LOXHD1: variants seen among roughly 807,000 people sequenced by gnomAD.
LOXHD1 encodes the protein lipoxygenase homology PLAT domains 1.
LOXHD1 carries 205 observed loss-of-function variants against 248.2 expected under a neutral mutation model. The observed-to-expected ratio is 0.83, with a 90% CI of 0.74 to 0.93. LOXHD1 has a LOEUF of 0.93. LOXHD1 is among the 40% of genes least tolerant of loss of function. The pLI is 0.00. For missense variants in LOXHD1, 2,930 were observed against 2,971.6 expected (o/e 0.99, Z 0.33); for synonymous variants, 1,113 against 1,162.8 (o/e 0.96, Z 0.87).
rs1410664639 is a variant in LOXHD1 at position 46,560,433 on chromosome 18, C to T, written c.2711G>A (p.Arg904Gln). The change falls in exon 19 of 41, where the codon CGG becomes CAG. Residue 904 changes from arginine (R) to glutamine (Q), a missense_variant. Arg to Gln is a conservative substitution (Grantham distance 43). Transcript: ENST00000642948. ...DTVWLRHLVV[R>Q]EVDLTPEEEA... ...CTCCTCCGGCGTGAGGTCCACCTCC[C>T]GCACCACCAGGTGCCGCAGCCACAC... The T allele has an allele frequency of 5.2e-6, 8 of 1,545,870 alleles. No individual in the cohort carries two copies. The Admixed American group carries it at 9.8e-5, about 19-fold the overall frequency.
intron 38 of LOXHD1, among the ~76,000 whole-genome samples, chr18:46,487,991 G>T (rs1159855713): frequency 6.6e-6 from 1 of 152,196 alleles, no homozygotes; most frequent in Non-Finnish European, 1.5e-5. Context: ...CCAAAGGAGG[G>T]ATGCTTCAAT....
chr18:46,618,728 C>T (rs1165247689), intron 4 of LOXHD1, among the ~76,000 whole-genome samples: 1 of 152,220 alleles, frequency 6.6e-6, no homozygotes, highest in East Asian at 1.9e-4. Context: ...TGTATCTCCT[C>T]TGCCTTTCCC....
At position 46,533,226 on chromosome 18, in the gene LOXHD1, A is replaced by C; in HGVS notation, c.4311T>G (p.Thr1437=). The C allele has an allele frequency of 6.4e-7, 1 of 1,551,726 alleles. No homozygotes were observed. Among genetic ancestry groups the C allele is most frequent in the South Asian group, 1.2e-5 (1 of 84,066 alleles). The part of the protein sequence containing the change: ...IRELVPYDIF[T]EKYMKDGSLR... ...AGGACCCATCTTTCATGTATTTCTCAGTGAAGATGTCATATGGAACCAGTT... is the reference window on the plus strand; with the variant it reads ...AGGACCCATCTTTCATGTATTTCTCCGTGAAGATGTCATATGGAACCAGTT... The change falls in exon 28 of 41, where the codon ACT becomes ACG. Residue 1437 remains threonine, a synonymous_variant. Coordinates refer to ENST00000642948, the MANE Select transcript of LOXHD1 (RefSeq NM_001384474.1).
At chr18:46,486,385 T>C (rs182555688) in intron 38 of LOXHD1, among the ~76,000 whole-genome samples, 5 of 152,276 alleles carry the variant, frequency 3.3e-5, no homozygotes, top group East Asian at 1.9e-4. Context: ...AGCCACCCTT[T>C]TGCCTCTGTA....
At chr18:46,591,853 T>C (rs1438974779) in intron 12 of LOXHD1, 80 bp downstream of exon 12, 7 of 1,511,122 alleles carry the variant, frequency 4.6e-6, no homozygotes, top group African/African-American at 1.4e-5. Flanking sequence ...GACAAGACTC[T>C]CAGCTCATAG....
chr18:46,521,916 C>T (rs1451959615), intron 32 of LOXHD1, among the ~76,000 whole-genome samples, 185 bp downstream of exon 32: 1 of 152,194 alleles, frequency 6.6e-6, no homozygotes, highest in African/African-American at 2.4e-5. Flanking sequence ...GGAAGACAGA[C>T]ACACAGAGGG....
Position 46,649,189 on chromosome 18 carries a change from T to C in LOXHD1, c.211A>G (p.Asn71Asp), listed in dbSNP as rs753416111. ...ANVFITLFGE[N>D]GLSPKLQLTS... The stretch of plus-strand genomic sequence containing the variant: ...AGCTGGAGCTTGGGAGAGAGCCCAT[T>C]CTCTCCAAAAAGCGTGATGAAGACA... Residue 71 changes from asparagine to aspartate, a missense_variant, in exon 2 of 41, where the codon AAT (asparagine) becomes GAT (aspartate). Physicochemically the swap from Asn to Asp is conservative, Grantham distance 23. Coordinates refer to ENST00000642948, the MANE Select transcript of LOXHD1 (RefSeq NM_001384474.1). The C allele has an allele frequency of 2.6e-6, 4 of 1,551,612 alleles. No homozygotes were observed. In the South Asian group the frequency reaches 4.8e-5, roughly 18 times the overall value.
chr18:46,591,595 G>A (rs1441731016), intron 12 of LOXHD1, among the ~76,000 whole-genome samples: 1 of 152,182 alleles, frequency 6.6e-6, no homozygotes, highest in Non-Finnish European at 1.5e-5. Context: ...AACATTTCAT[G>A]CACAATTTGA....
At chr18:46,493,805 C>T (rs376048234) in intron 37 of LOXHD1, among the ~76,000 whole-genome samples, 13 of 152,318 alleles carry the variant, frequency 8.5e-5, no homozygotes, top group Admixed American at 3.3e-4. Context: ...TCTCTGCCTG[C>T]GGTTCCCCAG....
intron 16 of LOXHD1, among the ~76,000 whole-genome samples, chr18:46,568,476 T>C (rs1483208015): frequency 1.3e-5 from 2 of 152,118 alleles, no homozygotes; most frequent in Admixed American, 1.3e-4. Context: ...GCCACATCCC[T>C]AGAGTGACCC....
intron 6 of LOXHD1, among the ~76,000 whole-genome samples, chr18:46,608,807 A>C (rs1274801557): frequency 6.6e-6 from 1 of 152,244 alleles, no homozygotes; most frequent in African/African-American, 2.4e-5. Flanking sequence ...TTCAATGCCC[A>C]GTCCCATGCC....
Position 46,591,988 on chromosome 18 carries a change from A to G in LOXHD1, c.1599T>C (p.Asn533=), listed in dbSNP as rs2038178460. 3.9e-6 allele frequency: 6 copies of G among 1,530,220 alleles called. No individual in the cohort carries two copies. The East Asian group carries it at 1.5e-4, about 38-fold the overall frequency. The allele number at this position is 1,530,220 out of a possible 1,614,324, so 94.8% of individuals were successfully genotyped here. ...CTGCAGTCATTTCCCTCACTATCTC[A>G]TTGTCATCCTCATTGGCATCCAGCC... The part of the protein sequence containing the change: ...NRWLDANEDD[N]EIVREMTAEG... Residue 533 remains asparagine, a synonymous_variant, in exon 12 of 41, where the codon AAT becomes AAC. Coordinates refer to ENST00000642948, the MANE Select transcript of LOXHD1 (RefSeq NM_001384474.1).
In LOXHD1 at chr18:46,608,988, G is replaced by T. The variant is rs919128158; in HGVS notation, c.759+1788C>A. Among the ~76,000 whole-genome samples the T allele has an allele frequency of 2.6e-5, 4 of 152,220 alleles. No individual in the cohort carries two copies. The East Asian group carries it at 7.7e-4, about 29-fold the overall frequency. Reference sequence around the variant, plus strand: ...TTTCCCAGTTTTCACTGCAGCTAGGGTGTCCACATAATACATATTTGGCCA... The same window carrying T: ...TTTCCCAGTTTTCACTGCAGCTAGGTTGTCCACATAATACATATTTGGCCA... On this transcript the variant is annotated intron_variant, in intron 6 of 40. Transcript: ENST00000642948.
intron 25 of LOXHD1, among the ~76,000 whole-genome samples, chr18:46,541,241 CT>C (rs546551181): frequency 6.6e-6 from 1 of 151,954 alleles, no homozygotes; most frequent in African/African-American, 2.4e-5. Flanking sequence ...TTACATTCAC[CT>C]TTTTTTTGAA....
intron 5 of LOXHD1, among the ~76,000 whole-genome samples, chr18:46,611,859 C>T (rs1670184610): frequency 6.6e-6 from 1 of 152,142 alleles, no homozygotes; most frequent in Non-Finnish European, 1.5e-5. Context: ...CTATCTTCAA[C>T]TTGGTATATA....
At chr18:46,560,044 CCA>C in intron 19 of LOXHD1, 37 bp downstream of exon 19, 1 of 1,245,516 alleles carries the variant, frequency 8.0e-7, no homozygotes, top group Non-Finnish European at 1.1e-6. Context: ...AACTGTCTGG[CCA>C]CTCCCTCCCC....
At chr18:46,492,107 T>A (rs1240757706) in intron 37 of LOXHD1, among the ~76,000 whole-genome samples, 1 of 112,900 alleles carries the variant, frequency 8.9e-6, no homozygotes, top group Non-Finnish European at 1.9e-5. Context: ...AACATGCAAC[T>A]ATGAAACATC....
intron 22 of LOXHD1, among the ~76,000 whole-genome samples, chr18:46,545,831 G>A (rs910846968): frequency 7.3e-5 from 11 of 150,930 alleles, no homozygotes; most frequent in South Asian, 4.2e-4. Flanking sequence ...GGGTTTCACC[G>A]TTTTAGCCGG....
chr18:46,560,221 C>T lies in LOXHD1; in HGVS notation c.2923G>A (p.Glu975Lys), dbSNP rs1232246613. ...SEEEEMEEEE[E>K]EEEFGPGMQE... ...ATCCCCGGCCCAAACTCCTCCTCTTCCTCCTCTTCTTCCATCTCCTCCTCC... is the reference window on the plus strand; with the variant it reads ...ATCCCCGGCCCAAACTCCTCCTCTTTCTCCTCTTCTTCCATCTCCTCCTCC... The change falls in exon 19 of 41, where the codon GAA (glutamate) becomes AAA (lysine). Residue 975 changes from glutamate (E) to lysine (K), a missense_variant. Coordinates refer to ENST00000642948, the MANE Select transcript of LOXHD1 (RefSeq NM_001384474.1). 1.9e-6 allele frequency: 3 copies of T among 1,551,922 alleles called. No homozygotes were observed. Among genetic ancestry groups the T allele is most frequent in the Non-Finnish European group, 2.6e-6 (3 of 1,147,064 alleles).
Sources: allele counts gnomAD v4.1 joint callset (sites outside exome capture counted in the v4.1 genomes callset), GRCh38; gene constraint gnomAD v4.1.1; transcripts MANE v1.5; gene names NCBI Gene and HGNC (gene_info 2026-07-23, HGNC 2026-07-21).